CCDC102B: variants seen among roughly 807,000 people sequenced by gnomAD.
CCDC102B encodes the protein coiled-coil domain-containing protein 102B.
CCDC102B carries 75 observed loss-of-function variants against 57.4 expected under a neutral mutation model. The ratio of observed to expected loss-of-function variants is 1.31; its 90% CI spans 1.08 to 1.58. The LOEUF (loss-of-function observed/expected upper bound fraction) is 1.58, where lower values mean the gene tolerates loss of function less well. Ranked by LOEUF, CCDC102B falls within the 40% of genes most tolerant of loss-of-function variation. CCDC102B has a pLI of 0.00. For synonymous variants in CCDC102B, 206 were observed against 201.9 expected, an observed-to-expected ratio of 1.02 and a Z score of -0.17; for missense variants, 636 against 582.6, an observed-to-expected ratio of 1.09 and a Z score of -0.94.
At position 68,866,704 on chromosome 18, in the gene CCDC102B, C is replaced by T. The variant is rs1196235956; in HGVS notation, c.937-7965C>T. 1.6e-5 allele frequency: 8 copies of T among 509,546 alleles called. No individual in the cohort carries two copies. In the Admixed American group the frequency reaches 1.7e-4, roughly 11 times the overall value. 31.6% of individuals were successfully genotyped at this position (509,546 alleles called of 1,614,324 possible). ...CATAGCACTGTCTACAGTTTGGCCT[C>T]TTCTCATGACGATGTCCATTTGCCA... is the stretch of plus-strand genomic sequence containing the variant. On this transcript the variant is annotated intron_variant, in intron 4 of 7. Coordinates refer to ENST00000360242, the MANE Select transcript of CCDC102B (RefSeq NM_024781.3).
At chr18:68,952,789 T>C (rs1418893762) in intron 6 of CCDC102B, among the ~76,000 whole-genome samples, 1 of 152,194 alleles carries the variant, frequency 6.6e-6, no homozygotes, top group Non-Finnish European at 1.5e-5. Flanking sequence ...CAAAAACTGT[T>C]ACACATTGTT....
intron 4 of CCDC102B, among the ~76,000 whole-genome samples, chr18:68,849,275 C>G (rs2038015736): frequency 6.6e-6 from 1 of 152,008 alleles, no homozygotes; most frequent in Non-Finnish European, 1.5e-5. Flanking sequence ...AAGGCAAGGT[C>G]CTTGAAGATA....
chr18:68,746,927 ATATT>A (rs992713165), intron 2 of CCDC102B, among the ~76,000 whole-genome samples: 2 of 151,950 alleles, frequency 1.3e-5, no homozygotes, highest in South Asian at 2.1e-4. Context: ...CATAAGATCT[ATATT>A]TATTTATTTA....
intron 5 of CCDC102B, among the ~76,000 whole-genome samples, chr18:68,879,614 T>C (rs1240167148): frequency 1.3e-5 from 2 of 152,042 alleles, no homozygotes; most frequent in African/African-American, 4.8e-5. Context: ...GAGTGTTGAT[T>C]GGTGCATTCA....
intron 6 of CCDC102B, among the ~76,000 whole-genome samples, chr18:68,937,735 G>C (rs939985150): frequency 1.3e-5 from 2 of 151,944 alleles, no homozygotes; most frequent in Non-Finnish European, 2.9e-5. Context: ...TTCTCCTAAC[G>C]CTATCCCTCC....
At chr18:68,923,863 A>G (rs1000086879) in intron 6 of CCDC102B, among the ~76,000 whole-genome samples, 5 of 152,090 alleles carry the variant, frequency 3.3e-5, no homozygotes, top group African/African-American at 1.2e-4. Context: ...TAATGAATAT[A>G]TGGATCCTAT....
At chr18:68,726,895 C>T (rs907040167) in intron 2 of CCDC102B, among the ~76,000 whole-genome samples, 1 of 152,074 alleles carries the variant, frequency 6.6e-6, no homozygotes, top group Non-Finnish European at 1.5e-5. Context: ...ATCTAGGACC[C>T]TGTAAAGACT....
At chr18:68,741,700 CA>C (rs1213543952) in intron 2 of CCDC102B, among the ~76,000 whole-genome samples, 3 of 117,918 alleles carry the variant, frequency 2.5e-5, no homozygotes, top group Admixed American at 8.6e-5. Context: ...CACACACACA[CA>C]CACACACACA....
chr18:69,010,839 T>C (rs1390939798), intron 6 of CCDC102B, 95 bp from the exon 7 acceptor site: 5 of 860,958 alleles, frequency 5.8e-6, no homozygotes, highest in Non-Finnish European at 8.5e-6. Context: ...AAATTCTTCC[T>C]AAAATGTTTT....
At chr18:69,026,457 CAA>C (rs547625543) in intron 7 of CCDC102B, among the ~76,000 whole-genome samples, 138 of 74,944 alleles carry the variant, frequency 1.8e-3, no homozygotes, top group African/African-American at 2.7e-3. Context: ...AACCCTGTCT[CAA>C]AAAAAAAAAA....
At chr18:68,981,905 AC>A (rs2050594413) in intron 6 of CCDC102B, among the ~76,000 whole-genome samples, 1 of 151,970 alleles carries the variant, frequency 6.6e-6, no homozygotes, top group African/African-American at 2.4e-5. Flanking sequence ...CCATGTCCCT[AC>A]AAAGGACATG....
intron 4 of CCDC102B, among the ~76,000 whole-genome samples, chr18:68,865,105 C>A (rs1693582614): frequency 6.6e-6 from 1 of 151,934 alleles, no homozygotes; most frequent in Admixed American, 6.6e-5. Flanking sequence ...TAGGCTTTAC[C>A]ACAAGCCTCT....
In CCDC102B at chr18:69,029,021, G is replaced by A. The variant is rs146436000; in HGVS notation, c.1434+17917G>A. 5.9e-5 allele frequency among the ~76,000 whole-genome samples: 9 copies of A among 152,036 alleles called. No individual in the cohort carries two copies. In the East Asian group the frequency reaches 9.6e-4, roughly 16 times the overall value. ...AAAATTGGAACTCCAAGTTTTATGC[G>A]TGATGTTTATCTCACTATATAGCTG... On this transcript the variant is annotated intron_variant, in intron 7 of 7. Transcript: ENST00000360242.
At chr18:68,872,686 T>C (rs992590532) in intron 4 of CCDC102B, among the ~76,000 whole-genome samples, 8 of 152,072 alleles carry the variant, frequency 5.3e-5, no homozygotes, top group Non-Finnish European at 1.2e-4. Flanking sequence ...TCCTTCTCCA[T>C]GTGGCCTCCC....
intron 1 of CCDC102B, among the ~76,000 whole-genome samples, chr18:68,804,409 A>G (rs2035960833): frequency 6.6e-6 from 1 of 152,214 alleles, no homozygotes; most frequent in African/African-American, 2.4e-5. Context: ...ATCTCAGGCC[A>G]GAGATATGTC....
At chr18:68,970,582 C>A (rs539478778) in intron 6 of CCDC102B, among the ~76,000 whole-genome samples, 2 of 151,728 alleles carry the variant, frequency 1.3e-5, no homozygotes, top group African/African-American at 2.4e-5. Context: ...TTGCAACATA[C>A]CCTTGGGGAG....
intron 4 of CCDC102B, among the ~76,000 whole-genome samples, chr18:68,854,126 G>A (rs1245422416): frequency 6.6e-6 from 1 of 150,452 alleles, no homozygotes; most frequent in African/African-American, 2.5e-5. Context: ...TTGAGACGGA[G>A]TTCCGCTCTT....
At chr18:68,916,101 A>C (rs1007433749) in intron 6 of CCDC102B, among the ~76,000 whole-genome samples, 57 of 152,174 alleles carry the variant, frequency 3.7e-4, no homozygotes, top group African/African-American at 1.4e-3. Flanking sequence ...TAGTCAACAA[A>C]CATTTTCTTA....
intron 5 of CCDC102B, among the ~76,000 whole-genome samples, chr18:68,886,678 G>A (rs1198751784): frequency 1.3e-5 from 2 of 151,994 alleles, no homozygotes; most frequent in African/African-American, 4.8e-5. Context: ...TCTTGTCACT[G>A]ACTACATAGT....
Sources: allele counts gnomAD v4.1 joint callset (sites outside exome capture counted in the v4.1 genomes callset), GRCh38; gene constraint gnomAD v4.1.1; transcripts MANE v1.5; gene names NCBI Gene and HGNC (gene_info 2026-07-23, HGNC 2026-07-21).